KCNIP4: variants seen among roughly 807,000 people sequenced by gnomAD.
The protein encoded by KCNIP4 is Kv channel-interacting protein 4.
Under a neutral mutation model 34.0 loss-of-function variants are expected in KCNIP4, and 12 were observed. That is an observed-to-expected ratio of 0.35 (90% CI 0.23 to 0.57). The LOEUF is 0.57. KCNIP4 is among the 20% of genes least tolerant of loss of function. The pLI is 0.83. For missense variants in KCNIP4, 238 were observed against 311.7 expected, an observed-to-expected ratio of 0.76 and a Z score of 1.78; for synonymous variants, 124 against 102.2, an observed-to-expected ratio of 1.21 and a Z score of -1.29.
intron 1 of KCNIP4, among the ~76,000 whole-genome samples, chr4:21,485,001 A>G (rs1360235483): frequency 1.3e-5 from 2 of 152,150 alleles, no homozygotes; most frequent in East Asian, 3.9e-4. Flanking sequence ...ACTGAATGGC[A>G]ATTTGCAAGA....
intron 1 of KCNIP4, among the ~76,000 whole-genome samples, chr4:21,944,556 C>CAAAAAAAAA (rs5856680): frequency 9.6e-6 from 1 of 104,434 alleles, no homozygotes. Flanking sequence ...GACTCCGTCT[C>CAAAAAAAAA]AAAAAAAAAA....
chr4:21,853,799 G>A (rs1406945607), intron 1 of KCNIP4, among the ~76,000 whole-genome samples: 1 of 152,144 alleles, frequency 6.6e-6, no homozygotes, highest in Non-Finnish European at 1.5e-5. Flanking sequence ...AAACCTTCAA[G>A]GTAAGAACTA....
intron 1 of KCNIP4, among the ~76,000 whole-genome samples, chr4:21,229,119 C>T (rs552346699): frequency 3.3e-5 from 5 of 152,290 alleles, no homozygotes; most frequent in African/African-American, 1.2e-4. Context: ...TGACTATAAT[C>T]ATGCTTTTTG....
chr4:20,916,278 T>C (rs892435058), intron 1 of KCNIP4: 1 of 980,790 alleles, frequency 1.0e-6, no homozygotes, highest in Non-Finnish European at 1.2e-6. Context: ...TCCACCCACA[T>C]TTCCTGCCCA....
intron 1 of KCNIP4, among the ~76,000 whole-genome samples, chr4:21,305,503 T>G (rs1392784012): frequency 6.6e-6 from 1 of 152,216 alleles, no homozygotes; most frequent in East Asian, 1.9e-4. Context: ...TACTCAGACT[T>G]TGCTGGGTTG....
intron 1 of KCNIP4, among the ~76,000 whole-genome samples, chr4:21,060,800 T>G (rs963930566): frequency 3.3e-5 from 5 of 152,166 alleles, no homozygotes; most frequent in African/African-American, 1.2e-4. Flanking sequence ...GAAAGAAAAC[T>G]TCTCACGAAT....
At chr4:21,116,381 C>T (rs1376008517) in intron 1 of KCNIP4, among the ~76,000 whole-genome samples, 2 of 152,280 alleles carry the variant, frequency 1.3e-5, no homozygotes, top group Non-Finnish European at 2.9e-5. Flanking sequence ...TTCATTCATC[C>T]ACTCATTTAT....
intron 1 of KCNIP4, among the ~76,000 whole-genome samples, chr4:21,320,436 G>T (rs998435125): frequency 5.3e-5 from 8 of 152,132 alleles, no homozygotes; most frequent in African/African-American, 1.4e-4. Context: ...AGCTCCAAGT[G>T]TATAATCATT....
chr4:21,923,649 A>C (rs1292929325), intron 1 of KCNIP4, among the ~76,000 whole-genome samples: 1 of 152,082 alleles, frequency 6.6e-6, no homozygotes. Flanking sequence ...AAGTTCTTCA[A>C]GTTCAAGGGG....
chr4:20,908,954 T>A (rs1240280786), intron 1 of KCNIP4, among the ~76,000 whole-genome samples: 1 of 152,222 alleles, frequency 6.6e-6, no homozygotes, highest in Non-Finnish European at 1.5e-5. Context: ...CATAACAACT[T>A]TAACCACAGT....
At chr4:20,967,551 A>C (rs1462243729) in intron 1 of KCNIP4, among the ~76,000 whole-genome samples, 1 of 152,218 alleles carries the variant, frequency 6.6e-6, no homozygotes, top group Admixed American at 6.5e-5. Flanking sequence ...TACAGTAACC[A>C]AAACAGCATG....
chr4:21,299,007 A>C (rs981057517), intron 1 of KCNIP4, among the ~76,000 whole-genome samples: 5 of 152,130 alleles, frequency 3.3e-5, no homozygotes, highest in African/African-American at 7.2e-5. Context: ...TTTATGACTT[A>C]CTAGCTGAGT....
chr4:21,601,307 AT>A (rs1226053923), intron 1 of KCNIP4, among the ~76,000 whole-genome samples: 1 of 152,080 alleles, frequency 6.6e-6, no homozygotes, highest in African/African-American at 2.4e-5. Context: ...TAAAAAGTGC[AT>A]TTATAACCCA....
rs1747216798 is a variant in KCNIP4 at position 20,729,438 on chromosome 4, TTTA to T, written c.*641_*643del. ...AAATTAAATGCTTATTAAAATAAGT[TTTA>T]TTAGGCATATGCTGATATCTGATAA... On this transcript the variant is annotated 3_prime_UTR_variant, in exon 9 of 9. Transcript: ENST00000382152. The T allele has an allele frequency of 6.7e-6, 1 of 149,386 alleles. No individual in the cohort carries two copies. The highest frequency in any genetic ancestry group is 1.5e-5 in the Non-Finnish European group (1 of 67,066). The allele number at this position is 149,386 out of a possible 1,614,324, so 9.3% of individuals were successfully genotyped here.
At chr4:21,566,224 G>T (rs1485436597) in intron 1 of KCNIP4, among the ~76,000 whole-genome samples, 2 of 152,176 alleles carry the variant, frequency 1.3e-5, no homozygotes, top group African/African-American at 4.8e-5. Context: ...TCTGGGATGA[G>T]ACAGGTGGCA....
At chr4:21,060,516 T>G (rs1025019781) in intron 1 of KCNIP4, among the ~76,000 whole-genome samples, 7 of 152,226 alleles carry the variant, frequency 4.6e-5, no homozygotes, top group Non-Finnish European at 1.0e-4. Flanking sequence ...ATAATTATTC[T>G]TTTCACAAAC....
At chr4:20,765,973 A>T (rs1392088614) in intron 3 of KCNIP4, among the ~76,000 whole-genome samples, 1 of 152,158 alleles carries the variant, frequency 6.6e-6, no homozygotes, top group East Asian at 1.9e-4. Context: ...ATAAGGCAGT[A>T]TTACTATTGT....
At position 21,017,925 on chromosome 4, in the gene KCNIP4, C is replaced by T. The variant is rs532883462; in HGVS notation, c.62-135216G>A. Among the ~76,000 whole-genome samples the T allele has an allele frequency of 1.9e-3, 290 of 152,196 alleles. 2 individuals carry two copies. Among genetic ancestry groups the T allele is most frequent in the Middle Eastern group, 0.01 (3 of 294 alleles). ...GGTATCTCATTGTGGTTTTGATTTG[C>T]ATTTCTCCAATGATCAGTGCAAATC... On this transcript the variant is annotated intron_variant, in intron 1 of 8. Transcript: ENST00000382152.
chr4:21,503,274 A>T (rs1733512917), intron 1 of KCNIP4, among the ~76,000 whole-genome samples: 1 of 152,150 alleles, frequency 6.6e-6, no homozygotes, highest in African/African-American at 2.4e-5. Context: ...TCTCCTAAAT[A>T]CACCTCTCTC....
Sources: gnomAD v4.1 joint callset for allele counts (sites outside exome capture counted in the v4.1 genomes callset) on GRCh38, gnomAD v4.1.1 for gene constraint, MANE v1.5 for transcripts, NCBI Gene and HGNC (gene_info 2026-07-23, HGNC 2026-07-21) for gene names.